The following RAB21 variants were observed in gnomAD, a reference collection of about 807,000 sequenced individuals.
The protein encoded by RAB21 is RAB21, member RAS oncogene family, also known as ras-related protein Rab-21.
RAB21 carries 13 observed loss-of-function variants against 33.1 expected under a neutral mutation model. The ratio of observed to expected loss-of-function variants is 0.39; its 90% CI spans 0.26 to 0.62. RAB21 has a LOEUF of 0.62. Among genes scored for constraint, RAB21 ranks in the 20% least tolerant of loss-of-function variants. RAB21 has a pLI of 0.48. For missense variants in RAB21, 234 were observed against 279.1 expected (o/e 0.84, Z 1.15); for synonymous variants, 91 against 103.7 (o/e 0.88, Z 0.74).
chr12:71,764,239 A>G (rs1057497859), intron 1 of RAB21, among the ~76,000 whole-genome samples: 14 of 152,008 alleles, frequency 9.2e-5, no homozygotes, highest in Non-Finnish European at 1.6e-4. Context: ...TGTTCTGGGG[A>G]GTGAGTAGGT....
intron 3 of RAB21, among the ~76,000 whole-genome samples, chr12:71,771,851 C>G (rs950187905): frequency 2.6e-5 from 4 of 151,830 alleles, no homozygotes; most frequent in Non-Finnish European, 4.4e-5. Flanking sequence ...TGGCACATGC[C>G]TATAATCTTA....
chr12:71,759,744 G>A (rs1882842582), intron 1 of RAB21, among the ~76,000 whole-genome samples: 1 of 152,248 alleles, frequency 6.6e-6, no homozygotes, highest in South Asian at 2.1e-4. Context: ...CAGAAGACAA[G>A]ATAGGCTGTG....
chr12:71,755,682 G>C (rs1417828387), intron 1 of RAB21, among the ~76,000 whole-genome samples: 1 of 152,178 alleles, frequency 6.6e-6, no homozygotes, highest in Non-Finnish European at 1.5e-5. Context: ...TTGATTTTGC[G>C]AATTAGGTGA....
chr12:71,782,517 A>C (rs540219593), intron 5 of RAB21, 53 bp from the exon 6 acceptor site: 1 of 1,306,802 alleles, frequency 7.7e-7, no homozygotes, highest in South Asian at 1.3e-5. Context: ...AGCAGTTAAG[A>C]CAAAATCATG....
intron 1 of RAB21, among the ~76,000 whole-genome samples, chr12:71,756,260 C>T (rs1009731786): frequency 2.6e-5 from 4 of 152,130 alleles, no homozygotes; most frequent in African/African-American, 7.2e-5. Flanking sequence ...CTGTCTGTGC[C>T]TGTTTCTTCT....
rs1388710300 is a variant in RAB21 at position 71,785,877 on chromosome 12, A to ATGTTTTTTTTTGTTTTTTTTT, written c.*226_*246dup. On this transcript the variant is annotated 3_prime_UTR_variant, in exon 7 of 7. Transcript: ENST00000261263. ...ACCAGAGAATTGGCATTTTCTACAA[A>ATGTTTTTTTTTGTTTTTTTTT]TGTTTTTTTTTGTTTTTTTTTTGTT... 2.1e-5 allele frequency: 11 copies of ATGTTTTTTTTTGTTTTTTTTT among 517,552 alleles called. No homozygotes were observed. Among genetic ancestry groups the ATGTTTTTTTTTGTTTTTTTTT allele is most frequent in the Non-Finnish European group, 3.2e-5 (10 of 315,634 alleles). 32.1% of individuals were successfully genotyped at this position (517,552 alleles called of 1,614,324 possible).
At chr12:71,758,259 C>T (rs193190878) in intron 1 of RAB21, among the ~76,000 whole-genome samples, 1 of 152,092 alleles carries the variant, frequency 6.6e-6, no homozygotes. Flanking sequence ...TCTCGAACTC[C>T]TGACCTCAGG....
chr12:71,761,371 C>G (rs916916217), intron 1 of RAB21, among the ~76,000 whole-genome samples: 1 of 152,060 alleles, frequency 6.6e-6, no homozygotes, highest in Non-Finnish European at 1.5e-5. Context: ...TAGTAAGACC[C>G]TGTTTTTAAA....
At chr12:71,772,308 G>T (rs1000154877) in intron 3 of RAB21, among the ~76,000 whole-genome samples, 1 of 152,114 alleles carries the variant, frequency 6.6e-6, no homozygotes, top group African/African-American at 2.4e-5. Context: ...ATGACAACTG[G>T]ATCCCAAGAG....
At chr12:71,762,548 G>A (rs995043863) in intron 1 of RAB21, among the ~76,000 whole-genome samples, 21 of 151,820 alleles carry the variant, frequency 1.4e-4, no homozygotes, top group East Asian at 7.8e-4. Flanking sequence ...CTCGTGATCC[G>A]CCCGCCTCGG....
chr12:71,767,687 G>A (rs2137645241), intron 1 of RAB21, among the ~76,000 whole-genome samples: 1 of 152,162 alleles, frequency 6.6e-6, no homozygotes, highest in East Asian at 1.9e-4. Context: ...GACTGACAAG[G>A]GCTTAAGAAG....
chr12:71,777,999 T>G lies in RAB21; in HGVS notation c.391+3977T>G, dbSNP rs559206561. Among the ~76,000 whole-genome samples, 5 of 152,350 alleles carry G rather than the reference T, an allele frequency of 3.3e-5. No individual in the cohort carries two copies. The East Asian group carries it at 9.6e-4, about 29-fold the overall frequency. ...AATCTCAAGTCCTTTTTTATAAGTA[T>G]TGCTATTCAGCCAGATGTTTCCCAG... is the stretch of plus-strand genomic sequence containing the variant. On this transcript the variant is annotated intron_variant, in intron 4 of 6. Transcript: ENST00000261263.
At position 71,790,579 on chromosome 12, in the gene RAB21, G is replaced by C. The variant is rs1408834795; in HGVS notation, c.*4906G>C. The C allele has an allele frequency of 6.6e-6, 1 of 152,098 alleles. No individual in the cohort carries two copies. Among genetic ancestry groups the C allele is most frequent in the Non-Finnish European group, 1.5e-5 (1 of 67,990 alleles). The allele number at this position is 152,098 out of a possible 1,614,324, so 9.4% of individuals were successfully genotyped here. ...TATGTAAGAAAATGTTCTAGGAAAAGAATAAAAAACATATATTGTCAAAGT... is the reference window on the plus strand; with the variant it reads ...TATGTAAGAAAATGTTCTAGGAAAACAATAAAAAACATATATTGTCAAAGT... On this transcript the variant is annotated 3_prime_UTR_variant, in exon 7 of 7. Transcript: ENST00000261263.
In RAB21 at chr12:71,793,705, A is replaced by G. The variant is rs1883419588; in HGVS notation, c.*8032A>G. The G allele has an allele frequency of 6.6e-6, 1 of 152,242 alleles. No homozygotes were observed. 9.4% of individuals were successfully genotyped at this position (152,242 alleles called of 1,614,324 possible). A position where few individuals can be genotyped will look rare whatever the true frequency, so the allele number is the denominator to read the frequency against. On this transcript the variant is annotated 3_prime_UTR_variant, in exon 7 of 7. Transcript: ENST00000261263. ...TCATCCCCATCAAAAGATTTTAGCC[A>G]AAAGTAGTGGCATAAGAAATTTATT... is the stretch of plus-strand genomic sequence containing the variant.
rs1026483318 is a variant in RAB21, at chr12:71,788,754, A to G, written c.*3081A>G. The G allele has an allele frequency of 6.6e-6, 1 of 152,154 alleles. No individual in the cohort carries two copies. The highest frequency in any genetic ancestry group is 2.4e-5 in the African/African-American group (1 of 41,452). 9.4% of individuals were successfully genotyped at this position (152,154 alleles called of 1,614,324 possible). ...AGATAGTGATTAAAAATACCTGAAT[A>G]TTATGTTAAAAGTATACAATCATTG... is the stretch of plus-strand genomic sequence containing the variant. On this transcript the variant is annotated 3_prime_UTR_variant, in exon 7 of 7. Coordinates refer to ENST00000261263, the MANE Select transcript of RAB21 (RefSeq NM_014999.4).
At chr12:71,763,468 T>C (rs1300077792) in intron 1 of RAB21, among the ~76,000 whole-genome samples, 1 of 152,176 alleles carries the variant, frequency 6.6e-6, no homozygotes, top group Non-Finnish European at 1.5e-5. Context: ...ATTTTTTTCC[T>C]CCTCCCTGTG....
At chr12:71,774,684 G>T (rs965279654) in intron 4 of RAB21, among the ~76,000 whole-genome samples, 18 of 151,684 alleles carry the variant, frequency 1.2e-4, no homozygotes, top group African/African-American at 4.4e-4. Context: ...TTGAACCCAG[G>T]AGGTGGAGGT....
At chr12:71,771,975 C>CAAAAAAA (rs1387002732) in intron 3 of RAB21, among the ~76,000 whole-genome samples, 58 of 130,174 alleles carry the variant, frequency 4.5e-4, no homozygotes, top group African/African-American at 1.5e-3. Context: ...GACTCCATCT[C>CAAAAAAA]AAAAAAAAAA....
rs190952773 is a variant in RAB21, at chr12:71,763,442, A to G, written c.160-6358A>G. Among the ~76,000 whole-genome samples the G allele has an allele frequency of 9.9e-3, 1,498 of 151,948 alleles. 9 individuals carry two copies. The highest frequency in any genetic ancestry group is 0.015 in the Non-Finnish European group (1,033 of 67,954). On this transcript the variant is annotated intron_variant, in intron 1 of 6. Transcript: ENST00000261263. ...TTTCTCTCTTATAATCCTTTTTTTA[A>G]GTTTTTAAATTTTTAATTTTTTTCC...
Sources: allele counts gnomAD v4.1 joint callset (sites outside exome capture counted in the v4.1 genomes callset), GRCh38; gene constraint gnomAD v4.1.1; transcripts MANE v1.5; gene names NCBI Gene and HGNC (gene_info 2026-07-23, HGNC 2026-07-21).